The following RNLS variants were observed in gnomAD, a reference collection of about 807,000 sequenced individuals.
RNLS encodes renalase, FAD dependent amine oxidase.
In RNLS, 39 loss-of-function variants were observed where a neutral mutation model predicts 39.8. That is an observed-to-expected ratio of 0.98 (90% confidence interval 0.76 to 1.28). RNLS has a LOEUF of 1.28. Ranked by LOEUF, RNLS falls within the 50% of genes most tolerant of loss-of-function variation. RNLS has a pLI of 0.00. For synonymous variants in RNLS, 147 were observed against 150.7 expected, an observed-to-expected ratio of 0.98 and a Z score of 0.18; for missense variants, 410 against 413.3, an observed-to-expected ratio of 0.99 and a Z score of 0.07.
At chr10:88,461,517 C>T (rs1842933359) in intron 4 of RNLS, among the ~76,000 whole-genome samples, 1 of 152,096 alleles carries the variant, frequency 6.6e-6, no homozygotes, top group Non-Finnish European at 1.5e-5. Context: ...CTTCCTTGGG[C>T]ATATAGGAGA....
the RNLS span, among the ~76,000 whole-genome samples, chr10:88,183,874 G>A: frequency 6.6e-6 from 1 of 152,130 alleles, no homozygotes; most frequent in Non-Finnish European, 1.5e-5. Flanking sequence ...TGGAATCAAT[G>A]GCGATACTGA....
At chr10:88,570,137 A>G (rs1460785201) in intron 4 of RNLS, among the ~76,000 whole-genome samples, 1 of 152,200 alleles carries the variant, frequency 6.6e-6, no homozygotes. Flanking sequence ...AGAAATTAAT[A>G]CAAGAAAAAA....
intron 4 of RNLS, 71 bp from the exon 5 acceptor site, chr10:88,362,796 A>G: frequency 1.4e-6 from 2 of 1,457,218 alleles, no homozygotes; most frequent in Non-Finnish European, 9.3e-7. Context: ...CAAATATAAA[A>G]TTCCTTTAAA....
chr10:88,543,282 C>A (rs1450612948), intron 4 of RNLS, among the ~76,000 whole-genome samples: 5 of 152,044 alleles, frequency 3.3e-5, no homozygotes, highest in Non-Finnish European at 7.4e-5. Context: ...ATCCACAGCT[C>A]CCAGTGTTCC....
At chr10:88,328,802 A>G (rs1846847190) in intron 5 of RNLS, among the ~76,000 whole-genome samples, 1 of 152,080 alleles carries the variant, frequency 6.6e-6, no homozygotes, top group African/African-American at 2.4e-5. Flanking sequence ...GTTTTTATTC[A>G]TGAAAAGCGT....
At chr10:88,419,717 G>T (rs1372995218) in intron 4 of RNLS, among the ~76,000 whole-genome samples, 2 of 152,070 alleles carry the variant, frequency 1.3e-5, no homozygotes, top group African/African-American at 4.8e-5. Context: ...TAATAAAAAA[G>T]GCACTGGCTG....
chr10:88,403,209 C>T (rs1234341172), intron 4 of RNLS, among the ~76,000 whole-genome samples: 1 of 151,982 alleles, frequency 6.6e-6, no homozygotes, highest in Non-Finnish European at 1.5e-5. Flanking sequence ...ATTTAAGAGA[C>T]ATATCAGTTA....
the RNLS span, among the ~76,000 whole-genome samples, chr10:88,242,930 A>G: frequency 1.9e-3 from 289 of 149,408 alleles, 1 homozygote; most frequent in Non-Finnish European, 3.5e-3. Context: ...CTGGGCAACA[A>G]GAGCGAAACT....
intron 4 of RNLS, among the ~76,000 whole-genome samples, chr10:88,377,095 A>C (rs887923881): frequency 6.6e-6 from 1 of 152,140 alleles, no homozygotes; most frequent in African/African-American, 2.4e-5. Flanking sequence ...AGACAAGGTT[A>C]GCTACACTTG....
At chr10:88,547,688 A>C (rs529841954) in intron 4 of RNLS, among the ~76,000 whole-genome samples, 2 of 152,294 alleles carry the variant, frequency 1.3e-5, no homozygotes, top group East Asian at 3.9e-4. Flanking sequence ...AGTTCTTAGA[A>C]GTTTTAGTGA....
chr10:88,303,220 GC>G (rs1844659974), intron 6 of RNLS, among the ~76,000 whole-genome samples: 1 of 152,258 alleles, frequency 6.6e-6, no homozygotes, highest in Admixed American at 6.5e-5. Context: ...GGTAGGGGCA[GC>G]AAGCCAGCTG....
intron 4 of RNLS, among the ~76,000 whole-genome samples, chr10:88,556,011 T>C (rs554572179): frequency 2.0e-5 from 3 of 152,280 alleles, no homozygotes; most frequent in African/African-American, 7.2e-5. Flanking sequence ...TATATTCAAC[T>C]GCATAAGTAT....
chr10:88,355,157 G>A (rs1320076103), intron 5 of RNLS, among the ~76,000 whole-genome samples: 1 of 152,130 alleles, frequency 6.6e-6, no homozygotes, highest in Non-Finnish European at 1.5e-5. Context: ...CCATGGGTTA[G>A]AACTTCCTCC....
chr10:88,433,465 C>T (rs190170645), intron 4 of RNLS, among the ~76,000 whole-genome samples: 3 of 151,878 alleles, frequency 2.0e-5, no homozygotes, highest in African/African-American at 7.3e-5. Context: ...ATCTTCCTAT[C>T]GAATTATCAT....
intron 4 of RNLS, among the ~76,000 whole-genome samples, chr10:88,380,070 A>C (rs1039888626): frequency 6.6e-6 from 1 of 152,200 alleles, no homozygotes; most frequent in Admixed American, 6.5e-5. Flanking sequence ...GTTTTATGTC[A>C]CTAAAGTTTG....
chr10:88,181,915 C>T, the RNLS span, among the ~76,000 whole-genome samples: 1 of 152,130 alleles, frequency 6.6e-6, no homozygotes, highest in African/African-American at 2.4e-5. Context: ...TCAAGAGCTG[C>T]TTGAAGAGAT....
At chr10:88,555,871 G>C (rs773221498) in intron 4 of RNLS, among the ~76,000 whole-genome samples, 2 of 152,058 alleles carry the variant, frequency 1.3e-5, no homozygotes, top group Non-Finnish European at 2.9e-5. Flanking sequence ...TAATCTTCTA[G>C]TTTCCAAACA....
At chr10:88,463,203 G>A (rs1216719453) in intron 4 of RNLS, among the ~76,000 whole-genome samples, 1 of 151,992 alleles carries the variant, frequency 6.6e-6, no homozygotes, top group African/African-American at 2.4e-5. Flanking sequence ...CATTAGTTAA[G>A]GTGAGGTCAT....
chr10:88,237,368 C>T, the RNLS span, among the ~76,000 whole-genome samples: 1 of 151,724 alleles, frequency 6.6e-6, no homozygotes, highest in Admixed American at 6.6e-5. Flanking sequence ...GTCTGAAAAG[C>T]CTGATTCATT....
Sources: allele counts gnomAD v4.1 joint callset (sites outside exome capture counted in the v4.1 genomes callset), GRCh38; gene constraint gnomAD v4.1.1; transcripts MANE v1.5; gene names NCBI Gene and HGNC (gene_info 2026-07-23, HGNC 2026-07-21).